The following VSTM2L variants were observed in gnomAD, a reference collection of about 807,000 sequenced individuals.
The protein encoded by VSTM2L is V-set and transmembrane domain containing 2 like, also known as V-set and transmembrane domain-containing protein 2-like protein.
In VSTM2L, 9 loss-of-function variants were observed where a neutral mutation model predicts 19.9. The observed-to-expected ratio is 0.45, with a 90% CI of 0.27 to 0.79. The LOEUF (loss-of-function observed/expected upper bound fraction) is 0.79. VSTM2L is among the 30% of genes least tolerant of loss of function. The pLI is 0.15. For synonymous variants in VSTM2L, 127 were observed against 133.8 expected, an observed-to-expected ratio of 0.95 and a Z score of 0.35; for missense variants, 286 against 295.5, an observed-to-expected ratio of 0.97 and a Z score of 0.24.
intron 3 of VSTM2L, among the ~76,000 whole-genome samples, chr20:37,936,863 G>A (rs886302902): frequency 2.0e-5 from 3 of 152,082 alleles, no homozygotes; most frequent in African/African-American, 7.2e-5. Flanking sequence ...ACTTGTTAAC[G>A]TGAATTTGTG....
chr20:37,943,126 C>T (rs954770555), intron 3 of VSTM2L, among the ~76,000 whole-genome samples: 1 of 152,028 alleles, frequency 6.6e-6, no homozygotes, highest in Admixed American at 6.6e-5. Flanking sequence ...CACCACCACA[C>T]CCCCGGCTAG....
chr20:37,903,505 A>C, intron 1 of VSTM2L, 34 bp downstream of exon 1: 1 of 1,451,278 alleles, frequency 6.9e-7, no homozygotes, highest in Non-Finnish European at 9.0e-7. Context: ...GGACTTCCCC[A>C]CCAAACCCCA....
At chr20:37,940,567 G>C (rs573756928) in intron 3 of VSTM2L, among the ~76,000 whole-genome samples, 1 of 152,378 alleles carries the variant, frequency 6.6e-6, no homozygotes, top group East Asian at 1.9e-4. Context: ...CATGGAGCCT[G>C]TTCCCAGTTC....
intron 1 of VSTM2L, among the ~76,000 whole-genome samples, chr20:37,906,728 C>T (rs1290545361): frequency 6.6e-6 from 1 of 152,204 alleles, no homozygotes; most frequent in Non-Finnish European, 1.5e-5. Flanking sequence ...CAGGCTTGGC[C>T]ATGGCGTCTT....
chr20:37,932,551 G>A (rs1021799389), intron 2 of VSTM2L, among the ~76,000 whole-genome samples: 14 of 152,132 alleles, frequency 9.2e-5, no homozygotes, highest in African/African-American at 3.4e-4. Flanking sequence ...CCTTAGCTGG[G>A]ACAACCGAAG....
chr20:37,945,122 G>T lies in VSTM2L; in HGVS notation c.*869G>T, dbSNP rs1279034826. ...GGAGCCAAGGGCCCCCTGGTACTCAGTTCCCTCACGATTCCCGATCACGGG... is the reference window on the plus strand; with the variant it reads ...GGAGCCAAGGGCCCCCTGGTACTCATTTCCCTCACGATTCCCGATCACGGG... On this transcript the variant is annotated 3_prime_UTR_variant, in exon 4 of 4. Coordinates refer to ENST00000373461, the MANE Select transcript of VSTM2L (RefSeq NM_080607.3). 2.0e-6 allele frequency: 2 copies of T among 985,662 alleles called. No homozygotes were observed. The highest frequency in any genetic ancestry group is 2.4e-6 in the Non-Finnish European group (2 of 829,976). The allele number at this position is 985,662 out of a possible 1,614,324, so 61.1% of individuals were successfully genotyped here. A position where few individuals can be genotyped will look rare whatever the true frequency, so the allele number is the denominator to read the frequency against.
At position 37,903,355 on chromosome 20, in the gene VSTM2L, G is replaced by A. The variant is rs1371066512; in HGVS notation, c.5G>A (p.Gly2Glu). The change falls in exon 1 of 4, where the codon GGG (glycine) becomes GAG (glutamate). Residue 2 changes from glycine (G) to glutamate (E), a missense_variant. Coordinates refer to ENST00000373461, the MANE Select transcript of VSTM2L (RefSeq NM_080607.3). ...CCCCCGGCCCGAGAGCGCACGATGG[G>A]GGCCCCGCTCGCCGTAGCGCTGGGC... Reference protein sequence around the residue: MGAPLAVALGAL... With the variant: MEAPLAVALGAL... 6.1e-6 allele frequency: 9 copies of A among 1,467,546 alleles called. No homozygotes were observed. The highest frequency in any genetic ancestry group is 2.5e-5 in the Admixed American group (1 of 40,382). 90.9% of individuals were successfully genotyped at this position (1,467,546 alleles called of 1,614,324 possible).
intron 3 of VSTM2L, among the ~76,000 whole-genome samples, chr20:37,943,641 C>T (rs2072986954): frequency 6.6e-6 from 1 of 152,010 alleles, no homozygotes; most frequent in Non-Finnish European, 1.5e-5. Flanking sequence ...TGTTTGTTTA[C>T]ATAAATGGCA....
chr20:37,941,571 A>G (rs2072972328), intron 3 of VSTM2L, among the ~76,000 whole-genome samples: 1 of 152,180 alleles, frequency 6.6e-6, no homozygotes, highest in Admixed American at 6.5e-5. Context: ...CCCTCACTGC[A>G]GGGGTGACCA....
chr20:37,913,037 A>T (rs1284080825), intron 1 of VSTM2L, among the ~76,000 whole-genome samples: 1 of 151,992 alleles, frequency 6.6e-6, no homozygotes, highest in Non-Finnish European at 1.5e-5. Flanking sequence ...CTCTTCGATG[A>T]CATCTCAGGA....
At chr20:37,923,219 C>CT (rs988789934) in intron 1 of VSTM2L, among the ~76,000 whole-genome samples, 2 of 152,144 alleles carry the variant, frequency 1.3e-5, no homozygotes, top group Admixed American at 1.3e-4. Context: ...AGGCAAAACT[C>CT]TAAGAGGTTC....
In VSTM2L at chr20:37,944,433, C is replaced by CCCCCCCA; in HGVS notation, c.*180_*181insCCCCCCA. ...CTCAGCATGTAAGCCCCACCCACCC[C>CCCCCCCA]TGCCCTTTCAGACCCCTGCGGTGAC... On this transcript the variant is annotated 3_prime_UTR_variant, in exon 4 of 4. Transcript: ENST00000373461. 8.4e-7 allele frequency: 1 copy of CCCCCCCA among 1,189,386 alleles called. No individual in the cohort carries two copies. The highest frequency in any genetic ancestry group is 1.1e-6 in the Non-Finnish European group (1 of 919,218). 73.7% of individuals were successfully genotyped at this position (1,189,386 alleles called of 1,614,324 possible).
chr20:37,906,750 C>T (rs913482735), intron 1 of VSTM2L, among the ~76,000 whole-genome samples: 1 of 152,190 alleles, frequency 6.6e-6, no homozygotes, highest in South Asian at 2.1e-4. Context: ...CTTCTTGTAG[C>T]CGTAACCCAA....
chr20:37,924,592 TAAAC>T (rs1254212044), intron 1 of VSTM2L, among the ~76,000 whole-genome samples: 2 of 146,914 alleles, frequency 1.4e-5, no homozygotes, highest in African/African-American at 2.5e-5. Flanking sequence ...AATAAATAAA[TAAAC>T]AAAACAAAGA....
In VSTM2L at chr20:37,931,818, G is replaced by A; in HGVS notation, c.291+14G>A. ...GCCTCGAACCAGGTAATGCCCCTGG[G>A]GAGATGCCCAAGCTGGGCTGGGGAA... On this transcript the variant is annotated intron_variant, in intron 2 of 3. Coordinates refer to ENST00000373461, the MANE Select transcript of VSTM2L (RefSeq NM_080607.3). The A allele has an allele frequency of 6.2e-7, 1 of 1,609,670 alleles. No individual in the cohort carries two copies. Among genetic ancestry groups the A allele is most frequent in the Non-Finnish European group, 8.5e-7 (1 of 1,177,356 alleles).
chr20:37,903,645 G>T lies in VSTM2L; in HGVS notation c.121+174G>T, dbSNP rs531264694. ...GCACCCTGGCCCTGCAGAGAAGGGG[G>T]CACCCGGGGCGCACCCCCGAACCTC... On this transcript the variant is annotated intron_variant, in intron 1 of 3. Coordinates refer to ENST00000373461, the MANE Select transcript of VSTM2L (RefSeq NM_080607.3). Among the ~76,000 whole-genome samples the T allele has an allele frequency of 2.0e-3, 302 of 152,218 alleles. 3 individuals carry two copies. The highest frequency in any genetic ancestry group is 6.9e-3 in the African/African-American group (288 of 41,558).
intron 3 of VSTM2L, among the ~76,000 whole-genome samples, chr20:37,938,310 A>G (rs1284738086): frequency 2.6e-5 from 4 of 152,182 alleles, no homozygotes. Context: ...TCTGGGGCCC[A>G]GGTCTGGGGA....
intron 1 of VSTM2L, among the ~76,000 whole-genome samples, chr20:37,924,281 G>A (rs989141740): frequency 6.6e-6 from 1 of 151,756 alleles, no homozygotes; most frequent in African/African-American, 2.4e-5. Context: ...GGCCAGGCGC[G>A]ATGGCTCATG....
intron 1 of VSTM2L, among the ~76,000 whole-genome samples, chr20:37,911,235 C>CAAAAA (rs11352183): frequency 1.1e-4 from 5 of 45,758 alleles, no homozygotes; most frequent in South Asian, 9.3e-4. Context: ...GACTCCATCT[C>CAAAAA]AAAAAAAAAA....
Sources: allele counts gnomAD v4.1 joint callset (sites outside exome capture counted in the v4.1 genomes callset), GRCh38; gene constraint gnomAD v4.1.1; transcripts MANE v1.5; gene names NCBI Gene and HGNC (gene_info 2026-07-23, HGNC 2026-07-21).